The following WDPCP variants were observed in gnomAD, a reference collection of about 807,000 sequenced individuals.
The protein encoded by WDPCP is WD repeat-containing and planar cell polarity effector protein fritz homolog.
A neutral mutation model predicts 93.1 loss-of-function variants in WDPCP; 71 were observed. The ratio of observed to expected loss-of-function variants is 0.76; its 90% CI spans 0.63 to 0.93. The LOEUF (loss-of-function observed/expected upper bound fraction) is 0.93, where lower values mean the gene tolerates loss of function less well. Ranked by LOEUF, WDPCP falls within the 40% of genes least tolerant of loss-of-function variation. The pLI is 0.00. For synonymous variants in WDPCP, 315 were observed against 315.0 expected (o/e 1.00, Z 0.00); for missense variants, 844 against 887.4 (o/e 0.95, Z 0.62).
intron 14 of WDPCP, among the ~76,000 whole-genome samples, chr2:63,215,076 C>G (rs1677197337): frequency 6.6e-6 from 1 of 152,162 alleles, no homozygotes; most frequent in African/African-American, 2.4e-5. Context: ...TCAAGGCCAT[C>G]CCCATCAAGC....
intron 2 of WDPCP, among the ~76,000 whole-genome samples, chr2:63,693,496 G>A (rs751218995): frequency 1.6e-4 from 22 of 141,270 alleles, no homozygotes; most frequent in Non-Finnish European, 3.1e-4. Flanking sequence ...GAATTTAATG[G>A]AGGTGGTGGG....
chr2:63,165,081 AT>A (rs554135962), intron 15 of WDPCP, among the ~76,000 whole-genome samples: 2 of 152,318 alleles, frequency 1.3e-5, no homozygotes, highest in South Asian at 4.1e-4. Flanking sequence ...AAAGGAAGAG[AT>A]TGGTGGAATG....
intron 2 of WDPCP, among the ~76,000 whole-genome samples, chr2:63,686,929 A>G (rs1232010752): frequency 1.3e-5 from 2 of 151,684 alleles, no homozygotes; most frequent in Admixed American, 6.6e-5. Flanking sequence ...ATAGACCCCT[A>G]TCTCTTGCCA....
chr2:63,536,508 C>T (rs1207774707), intron 1 of WDPCP, among the ~76,000 whole-genome samples: 1 of 152,128 alleles, frequency 6.6e-6, no homozygotes, highest in African/African-American at 2.4e-5. Context: ...GGCACATATA[C>T]ACCATGGAAT....
At chr2:63,593,708 C>G, upstream of WDPCP, 1 of 471,248 alleles carries the variant, frequency 2.1e-6, no homozygotes, top group South Asian at 1.5e-5. Flanking sequence ...CTGAATTTTT[C>G]TGTCTAACTA....
At chr2:63,706,865 C>A (rs1669164256) in intron 2 of WDPCP, among the ~76,000 whole-genome samples, 1 of 152,056 alleles carries the variant, frequency 6.6e-6, no homozygotes, top group Admixed American at 6.6e-5. Flanking sequence ...ATCCACCCGC[C>A]TCGGCCTCCC....
At chr2:63,647,680 AT>A in intron 3 of WDPCP, among the ~76,000 whole-genome samples, 1 of 152,090 alleles carries the variant, frequency 6.6e-6, no homozygotes, top group Middle Eastern at 3.4e-3. Flanking sequence ...ACCTTTTTTT[AT>A]TTTGTCTGTA....
chr2:63,287,199 G>C (rs188655343), intron 13 of WDPCP, among the ~76,000 whole-genome samples: 7 of 151,952 alleles, frequency 4.6e-5, no homozygotes, highest in Admixed American at 6.6e-5. Flanking sequence ...CTCCTTCAAA[G>C]GTTCTATCTC....
upstream of WDPCP, among the ~76,000 whole-genome samples, chr2:63,591,738 A>T (rs10173604): frequency 7.7e-4 from 118 of 152,340 alleles, no homozygotes; most frequent in Middle Eastern, 0.01. Context: ...AGAGCGCTTC[A>T]TGGCCTAATA....
intron 12 of WDPCP, among the ~76,000 whole-genome samples, chr2:63,319,617 T>A (rs1686933358): frequency 6.6e-6 from 1 of 152,170 alleles, no homozygotes; most frequent in African/African-American, 2.4e-5. Flanking sequence ...TAGCTGGGAC[T>A]ACAGGGGCCC....
intron 17 of WDPCP, among the ~76,000 whole-genome samples, chr2:63,128,371 C>T (rs1670061750): frequency 6.6e-6 from 1 of 151,944 alleles, no homozygotes; most frequent in Non-Finnish European, 1.5e-5. Context: ...AAACTTTTTC[C>T]TTCCGTTTCT....
intron 3 of WDPCP, 106 bp downstream of exon 3, chr2:63,487,338 ATTC>A: frequency 2.6e-6 from 2 of 780,040 alleles, no homozygotes; most frequent in Non-Finnish European, 4.1e-6. Flanking sequence ...TTTTCTTAAA[ATTC>A]TAGAATTTAT....
At chr2:63,349,823 C>T (rs918049184) in intron 12 of WDPCP, among the ~76,000 whole-genome samples, 2 of 152,184 alleles carry the variant, frequency 1.3e-5, no homozygotes, top group Non-Finnish European at 2.9e-5. Context: ...TACAGCACTG[C>T]TCATCTCTGC....
chr2:63,250,939 C>T (rs1337625575), intron 14 of WDPCP, among the ~76,000 whole-genome samples: 1 of 152,052 alleles, frequency 6.6e-6, no homozygotes, highest in African/African-American at 2.4e-5. Context: ...TGGAGCATTT[C>T]CACTGTAACC....
At chr2:63,552,773 G>T (rs1705777622) in intron 1 of WDPCP, among the ~76,000 whole-genome samples, 1 of 152,228 alleles carries the variant, frequency 6.6e-6, no homozygotes, top group Non-Finnish European at 1.5e-5. Flanking sequence ...GGGACCAGCA[G>T]TGATTAGAAA....
chr2:63,807,382 T>A (rs544208839), intron 2 of WDPCP, among the ~76,000 whole-genome samples: 2 of 152,174 alleles, frequency 1.3e-5, no homozygotes, highest in East Asian at 3.9e-4. Flanking sequence ...CACCTCCCCA[T>A]CTCTCTCTAT....
chr2:63,722,298 G>A (rs1256891210), intron 2 of WDPCP, among the ~76,000 whole-genome samples: 4 of 150,658 alleles, frequency 2.7e-5, no homozygotes, highest in Admixed American at 6.6e-5. Context: ...ACCTCTGCCC[G>A]GCCGCCATCA....
chr2:63,451,626 G>C (rs1368374587), intron 6 of WDPCP, among the ~76,000 whole-genome samples: 1 of 152,106 alleles, frequency 6.6e-6, no homozygotes, highest in Non-Finnish European at 1.5e-5. Context: ...CCAAAGCCTG[G>C]CAGAGACACA....
chr2:63,275,805 A>T (rs763646275), intron 13 of WDPCP, among the ~76,000 whole-genome samples: 2 of 152,214 alleles, frequency 1.3e-5, no homozygotes, highest in Non-Finnish European at 2.9e-5. Context: ...AATGAATCAG[A>T]GAGCACCAGA....
Sources: gnomAD v4.1 joint callset for allele counts (sites outside exome capture counted in the v4.1 genomes callset) on GRCh38, gnomAD v4.1.1 for gene constraint, MANE v1.5 for transcripts, NCBI Gene and HGNC (gene_info 2026-07-23, HGNC 2026-07-21) for gene names.